Variants in TIAM1 observed in about 807,000 individuals in gnomAD.
The protein encoded by TIAM1 is TIAM Rac1 associated GEF 1.
TIAM1 carries 65 observed loss-of-function variants against 163.5 expected under a neutral mutation model. The observed-to-expected ratio is 0.40, with a 90% CI of 0.33 to 0.49. The LOEUF (loss-of-function observed/expected upper bound fraction) is 0.49, where lower values mean the gene tolerates loss of function less well. Among genes scored for constraint, TIAM1 ranks in the 20% least tolerant of loss-of-function variants. The pLI is 0.77. For missense variants in TIAM1, 1,789 were observed against 2,044.7 expected (o/e 0.87, Z 2.41); for synonymous variants, 833 against 810.1 (o/e 1.03, Z -0.48).
At chr21:31,348,488 TC>T (rs2076184672), upstream of TIAM1, among the ~76,000 whole-genome samples, 1 of 152,222 alleles carries the variant, frequency 6.6e-6, no homozygotes, top group Admixed American at 6.5e-5. Context: ...AAACACGATT[TC>T]CCAGCATAAC....
rs1265822773 is a variant in TIAM1 at position 31,182,558 on chromosome 21, T to C, written c.2750A>G (p.Gln917Arg). Residue 917 changes from glutamine to arginine, a missense_variant, in exon 15 of 28, where the codon CAG becomes CGG. Gln to Arg is a conservative substitution (Grantham distance 43). Around this residue, in one of 5 missense-constraint regions of TIAM1, gnomAD observed 303 missense variants for 321.3 expected, o/e 0.94. Coordinates refer to ENST00000541036, the MANE Select transcript of TIAM1 (RefSeq NM_001353694.2). ...NSSMLKDFLS[Q>R]PSLGLLVRTY... ...CCTCACCAGGAGGCCCAGCGAGGGC[T>C]GTGAGAGGAAATCTTTGAGCATAGA... is the stretch of plus-strand genomic sequence containing the variant. 6.2e-7 allele frequency: 1 copy of C among 1,614,082 alleles called. No individual in the cohort carries two copies. The highest frequency in any genetic ancestry group is 8.5e-7 in the Non-Finnish European group (1 of 1,179,986).
intron 23 of TIAM1, among the ~76,000 whole-genome samples, chr21:31,131,613 G>A (rs548970272): frequency 6.6e-6 from 1 of 152,306 alleles, no homozygotes; most frequent in East Asian, 1.9e-4. Flanking sequence ...AACCTGCAGT[G>A]ATTCTGATTC....
rs1569032883 is a variant in TIAM1 at position 31,210,665 on chromosome 21, GAAAAAGAAAGAAAGAAAGAAAAAGAA to G, written c.2218-476_2218-451del. ...AGAAAGAAAGAAAGAAAGAAAGAAAGAAAAAGAAAGAAAGAAAGAAAAAGAAAGAAAGAAAGAAAGAGAAAGAAAGA... is the reference window on the plus strand; with the variant it reads ...AGAAAGAAAGAAAGAAAGAAAGAAAGAGAAAGAAAGAAAGAGAAAGAAAGA... On this transcript the variant is annotated intron_variant, in intron 10 of 27. Transcript: ENST00000541036. Among the ~76,000 whole-genome samples the G allele has an allele frequency of 7.0e-4, 13 of 18,680 alleles. 1 individual carries two copies. Among genetic ancestry groups the G allele is most frequent in the East Asian group, 2.0e-3 (2 of 1,018 alleles). 12.3% of individuals were successfully genotyped at this position (18,680 alleles called of 152,430 possible).
chr21:31,434,900 G>C (rs577347886), intron 2 of TIAM1, among the ~76,000 whole-genome samples: 1 of 152,346 alleles, frequency 6.6e-6, no homozygotes, highest in African/African-American at 2.4e-5. Context: ...CAGTAGGCAT[G>C]CAATGAATAA....
At chr21:31,367,999 T>G (rs146701771) in intron 2 of TIAM1, among the ~76,000 whole-genome samples, 10 of 152,226 alleles carry the variant, frequency 6.6e-5, no homozygotes, top group African/African-American at 9.6e-5. Context: ...AAATAGCCAC[T>G]CTAGAATATT....
intron 10 of TIAM1, among the ~76,000 whole-genome samples, chr21:31,210,591 AAAGAGAGAAAGAAGGAAGGAAGG>A (rs2086698349): frequency 9.2e-6 from 1 of 108,124 alleles, no homozygotes; most frequent in Non-Finnish European, 1.7e-5. Flanking sequence ...AGAAAGAAAG[AAAGAGAGAAAGAAGGAAGGAAGG>A]GAGAAAGAAA....
intron 4 of TIAM1, among the ~76,000 whole-genome samples, chr21:31,265,780 C>T (rs943178252): frequency 2.0e-5 from 3 of 152,126 alleles, no homozygotes; most frequent in Non-Finnish European, 4.4e-5. Context: ...CCTATCACAT[C>T]GCCACTCCCC....
At chr21:31,151,855 G>T (rs1330485723) in intron 19 of TIAM1, among the ~76,000 whole-genome samples, 1 of 151,968 alleles carries the variant, frequency 6.6e-6, no homozygotes, top group Non-Finnish European at 1.5e-5. Flanking sequence ...GCAGGGGAGA[G>T]GAAATAAGCA....
At chr21:31,194,318 TC>T (rs1360007947) in intron 13 of TIAM1, among the ~76,000 whole-genome samples, 1 of 152,180 alleles carries the variant, frequency 6.6e-6, no homozygotes, top group Non-Finnish European at 1.5e-5. Context: ...CTGTGGGTCT[TC>T]CTAGTGAATC....
At chr21:31,206,604 T>C (rs2086464208) in intron 11 of TIAM1, among the ~76,000 whole-genome samples, 1 of 152,226 alleles carries the variant, frequency 6.6e-6, no homozygotes, top group Non-Finnish European at 1.5e-5. Flanking sequence ...TTTGATGCAT[T>C]TTGAGGCAAT....
intron 15 of TIAM1, among the ~76,000 whole-genome samples, chr21:31,176,500 G>C (rs185937287): frequency 1.3e-5 from 2 of 152,134 alleles, no homozygotes; most frequent in East Asian, 1.9e-4. Flanking sequence ...GCCAAGGATA[G>C]GAAACTGAGT....
At chr21:31,238,027 C>A (rs1467368631) in intron 6 of TIAM1, among the ~76,000 whole-genome samples, 1 of 152,236 alleles carries the variant, frequency 6.6e-6, no homozygotes, top group Non-Finnish European at 1.5e-5. Flanking sequence ...TCTCCCCTGG[C>A]CTCACACATA....
intron 1 of TIAM1, among the ~76,000 whole-genome samples, chr21:31,550,631 T>C (rs1454645712): frequency 6.6e-6 from 1 of 152,116 alleles, no homozygotes; most frequent in African/African-American, 2.4e-5. Context: ...GAGGTGGAAG[T>C]ATATCTTAAT....
intron 20 of TIAM1, among the ~76,000 whole-genome samples, chr21:31,146,657 G>A (rs368177930): frequency 6.7e-6 from 1 of 148,190 alleles, no homozygotes; most frequent in African/African-American, 2.5e-5. Flanking sequence ...GTCGCAGTGA[G>A]CCAAGATCGT....
intron 2 of TIAM1, among the ~76,000 whole-genome samples, chr21:31,293,354 T>C (rs1296758233): frequency 6.6e-6 from 1 of 152,164 alleles, no homozygotes; most frequent in Non-Finnish European, 1.5e-5. Flanking sequence ...ACTCAACCCC[T>C]ACTGATGTAG....
At chr21:31,390,981 T>C (rs1177103185) in intron 2 of TIAM1, among the ~76,000 whole-genome samples, 1 of 152,078 alleles carries the variant, frequency 6.6e-6, no homozygotes, top group African/African-American at 2.4e-5. Context: ...CCACGCCTCT[T>C]CTTAAAGGCA....
intron 1 of TIAM1, among the ~76,000 whole-genome samples, chr21:31,514,414 A>G (rs1021200923): frequency 3.9e-5 from 6 of 152,034 alleles, no homozygotes; most frequent in Admixed American, 3.9e-4. Context: ...AGTTAAAAAA[A>G]TCATATTGAT....
At position 31,225,920 on chromosome 21, in the gene TIAM1, T is replaced by C; in HGVS notation, c.1615A>G (p.Ile539Val). ...GCGCAGGCAGAGTGGATGGCGGTGA[T>C]CCAGTTTTCAAGCTCCGTCTGGCTA... Reference protein sequence around the residue: ...TTSQTELENWITAIHSACATA... With the variant: ...TTSQTELENWVTAIHSACATA... The change falls in exon 7 of 28, where the codon ATC (isoleucine) becomes GTC (valine). Residue 539 changes from isoleucine to valine, a missense_variant. By Grantham distance (29) the Ile-to-Val change is conservative (BLOSUM62 3). Coordinates refer to ENST00000541036, the MANE Select transcript of TIAM1 (RefSeq NM_001353694.2). 1 of 1,614,042 alleles carries C rather than the reference T, an allele frequency of 6.2e-7. No homozygotes were observed. Among genetic ancestry groups the C allele is most frequent in the Non-Finnish European group, 8.5e-7 (1 of 1,179,998 alleles).
rs1229922920 is a variant in TIAM1, at chr21:31,140,524, T to G, written c.3774+594A>C. Reference sequence around the variant, plus strand: ...TGTATAACCCATCAGATCAGAGCAATTAACTTATCCATCATCTCAAACATC... The same window carrying G: ...TGTATAACCCATCAGATCAGAGCAAGTAACTTATCCATCATCTCAAACATC... On this transcript the variant is annotated intron_variant, in intron 22 of 27. Transcript: ENST00000541036. 2.0e-5 allele frequency among the ~76,000 whole-genome samples: 3 copies of G among 152,232 alleles called. 1 individual carries two copies. The highest frequency in any genetic ancestry group is 7.2e-5 in the African/African-American group (3 of 41,462).
Sources: allele counts gnomAD v4.1 joint callset (sites outside exome capture counted in the v4.1 genomes callset), GRCh38; gene constraint gnomAD v4.1.1; regional missense constraint gnomAD v4.1.1; transcripts MANE v1.5; gene names NCBI Gene and HGNC (gene_info 2026-07-23, HGNC 2026-07-21).